FAM78B: variants seen among roughly 807,000 people sequenced by gnomAD.
The protein encoded by FAM78B is protein FAM78B.
A neutral mutation model predicts 20.0 loss-of-function variants in FAM78B; 10 were observed. The observed-to-expected ratio is 0.50, with a 90% confidence interval of 0.31 to 0.85. The LOEUF is 0.85. Among genes scored for constraint, FAM78B ranks in the 40% least tolerant of loss-of-function variants. The pLI, the probability that FAM78B is intolerant of heterozygous loss-of-function variation, is 0.05. For synonymous variants in FAM78B, 135 were observed against 132.8 expected (o/e 1.02, Z -0.12); for missense variants, 283 against 345.0 (o/e 0.82, Z 1.42).
intron 1 of FAM78B, among the ~76,000 whole-genome samples, chr1:166,137,794 T>C (rs901110918): frequency 3.3e-5 from 5 of 152,248 alleles, no homozygotes; most frequent in Non-Finnish European, 5.9e-5. Flanking sequence ...AATAGTACTA[T>C]GGGAAGTAAG....
intron 1 of FAM78B, among the ~76,000 whole-genome samples, chr1:166,107,254 CAAGATTAACCAAGAA>C (rs1450436813): frequency 6.6e-6 from 1 of 151,960 alleles, no homozygotes; most frequent in African/African-American, 2.4e-5. Context: ...AGACCATTGG[CAAGATTAACCAAGAA>C]AAGAAGAGAG....
At chr1:166,081,499 C>G (rs1188911252) in intron 1 of FAM78B, among the ~76,000 whole-genome samples, 2 of 152,190 alleles carry the variant, frequency 1.3e-5, no homozygotes, top group Non-Finnish European at 2.9e-5. Context: ...TTACCCCACA[C>G]AGAGAAGCAG....
rs527524003 is a variant in FAM78B at position 166,070,045 on chromosome 1, A to G, written c.*196T>C. On this transcript the variant is annotated 3_prime_UTR_variant, in exon 2 of 2. Transcript: ENST00000354422. ...CAAATCAGTGATTTCTTTATTCCTA[A>G]GAGGAAGGGATTTTTCCTAAGGATT... The G allele has an allele frequency of 1.6e-6, 2 of 1,258,946 alleles. No individual in the cohort carries two copies. Among genetic ancestry groups the G allele is most frequent in the East Asian group, 6.0e-5 (2 of 33,134 alleles). 78.0% of individuals were successfully genotyped at this position (1,258,946 alleles called of 1,614,324 possible).
chr1:166,095,559 C>T (rs1305514151), intron 1 of FAM78B, among the ~76,000 whole-genome samples: 1 of 152,134 alleles, frequency 6.6e-6, no homozygotes, highest in Non-Finnish European at 1.5e-5. Context: ...TTAGGAACTT[C>T]ATACTGTTTT....
At chr1:166,156,002 G>T (rs1451598) in intron 1 of FAM78B, among the ~76,000 whole-genome samples, 5 of 152,126 alleles carry the variant, frequency 3.3e-5, no homozygotes, top group Admixed American at 3.3e-4. Flanking sequence ...CTGCTCCTTC[G>T]GGATGCTGCA....
intron 1 of FAM78B, among the ~76,000 whole-genome samples, chr1:166,159,295 C>T (rs1177161049): frequency 6.6e-6 from 1 of 152,120 alleles, no homozygotes; most frequent in Non-Finnish European, 1.5e-5. Flanking sequence ...AGTCTCAGCT[C>T]GGCCACTTAC....
intron 1 of FAM78B, among the ~76,000 whole-genome samples, chr1:166,124,206 C>T (rs140058009): frequency 1.3e-5 from 2 of 152,274 alleles, no homozygotes; most frequent in African/African-American, 4.8e-5. Context: ...ATCTTTTGCA[C>T]CTTCTTTGGT....
chr1:166,164,562 T>C (rs996647803), intron 1 of FAM78B, among the ~76,000 whole-genome samples: 3 of 152,226 alleles, frequency 2.0e-5, no homozygotes, highest in Admixed American at 6.5e-5. Flanking sequence ...CACTAGGAAT[T>C]GAGTTTTCTC....
downstream of FAM78B, among the ~76,000 whole-genome samples, chr1:166,068,656 A>C (rs188114958): frequency 3.9e-3 from 591 of 152,336 alleles, 3 homozygotes; most frequent in Middle Eastern, 6.8e-3. Context: ...GCCAACCATG[A>C]GATTGTAAAA....
intron 1 of FAM78B, among the ~76,000 whole-genome samples, chr1:166,137,969 G>C (rs1655133686): frequency 6.6e-6 from 1 of 152,210 alleles, no homozygotes; most frequent in South Asian, 2.1e-4. Flanking sequence ...GAACAGAGCA[G>C]GTGGCTGGAG....
intron 1 of FAM78B, among the ~76,000 whole-genome samples, chr1:166,108,648 T>A (rs1356396371): frequency 6.6e-6 from 1 of 152,044 alleles, no homozygotes; most frequent in African/African-American, 2.4e-5. Flanking sequence ...TTCACAGAAC[T>A]AGAAAAAACA....
At chr1:166,141,101 T>C (rs1291321600) in intron 1 of FAM78B, among the ~76,000 whole-genome samples, 2 of 152,196 alleles carry the variant, frequency 1.3e-5, no homozygotes, top group Non-Finnish European at 2.9e-5. Flanking sequence ...GCCAGGCCAG[T>C]GGGCAGGTGG....
intron 2 of FAM78B, among the ~76,000 whole-genome samples, chr1:166,062,828 A>G (rs540342747): frequency 2.6e-5 from 4 of 152,296 alleles, no homozygotes; most frequent in African/African-American, 9.6e-5. Context: ...TATTTTTCCA[A>G]TTAACATTTC....
intron 1 of FAM78B, among the ~76,000 whole-genome samples, chr1:166,134,117 C>A (rs1038644291): frequency 2.6e-5 from 4 of 152,128 alleles, no homozygotes; most frequent in Non-Finnish European, 5.9e-5. Flanking sequence ...CTGCACTGTC[C>A]CTACAACATT....
chr1:166,084,238 C>CACACACACA (rs59324558), intron 1 of FAM78B, among the ~76,000 whole-genome samples: 43 of 62,952 alleles, frequency 6.8e-4, no homozygotes, highest in African/African-American at 1.9e-3. Flanking sequence ...CACACACACA[C>CACACACACA]TCTCTCTCTC....
At chr1:166,133,585 T>C (rs1351509798) in intron 1 of FAM78B, among the ~76,000 whole-genome samples, 1 of 134,936 alleles carries the variant, frequency 7.4e-6, no homozygotes, top group Admixed American at 8.1e-5. Flanking sequence ...TATTAATCTG[T>C]AAAGTTGAGC....
chr1:166,085,565 C>T (rs1049562292), intron 1 of FAM78B, among the ~76,000 whole-genome samples: 2 of 152,216 alleles, frequency 1.3e-5, no homozygotes, highest in African/African-American at 4.8e-5. Flanking sequence ...TTACTAGATA[C>T]TTATCAGCTG....
intron 1 of FAM78B, among the ~76,000 whole-genome samples, chr1:166,084,258 C>T (rs1408831562): frequency 1.3e-5 from 2 of 151,490 alleles, no homozygotes; most frequent in Non-Finnish European, 2.9e-5. Flanking sequence ...CTCTCTCTCT[C>T]TCTCTCTTTC....
At position 166,096,103 on chromosome 1, in the gene FAM78B, G is replaced by A. The variant is rs926398436; in HGVS notation, c.264-25340C>T. On this transcript the variant is annotated intron_variant, in intron 1 of 1. Transcript: ENST00000354422. ...ACGTAACCATAGGTTTTTAGCTTAA[G>A]ATGACATCTGGTATCAACATATTAT... Among the ~76,000 whole-genome samples the A allele has an allele frequency of 5.9e-5, 9 of 152,320 alleles. No individual in the cohort carries two copies. In the East Asian group the frequency reaches 1.7e-3, roughly 29 times the overall value.
Sources: allele counts gnomAD v4.1 joint callset (sites outside exome capture counted in the v4.1 genomes callset), GRCh38; gene constraint gnomAD v4.1.1; transcripts MANE v1.5; gene names NCBI Gene and HGNC (gene_info 2026-07-23, HGNC 2026-07-21).